The following TRAF3IP2 variants were observed in gnomAD, a reference collection of about 807,000 sequenced individuals.
TRAF3IP2 encodes E3 ubiquitin ligase TRAF3IP2.
In TRAF3IP2, 35 loss-of-function variants were observed where a neutral mutation model predicts 57.9. The observed-to-expected ratio is 0.60, with a 90% CI of 0.46 to 0.80. The LOEUF is 0.80. TRAF3IP2 is among the 30% of genes least tolerant of loss of function. The pLI, the probability that TRAF3IP2 is intolerant of heterozygous loss-of-function variation, is 0.00. For missense variants in TRAF3IP2, 556 were observed against 706.4 expected (o/e 0.79, Z 2.41); for synonymous variants, 251 against 268.9 (o/e 0.93, Z 0.65).
chr6:111,597,834 C>T (rs1306523310), intron 1 of TRAF3IP2: 2 of 453,808 alleles, frequency 4.4e-6, no homozygotes, highest in African/African-American at 4.0e-5. Flanking sequence ...CTTTTTTTTT[C>T]CAGGCTTTCT....
In TRAF3IP2 at chr6:111,567,132, C is replaced by T. The variant is rs910323139; in HGVS notation, c.1359+492G>A. 1.2e-4 allele frequency: 120 copies of T among 984,798 alleles called. No individual in the cohort carries two copies. In the African/African-American group the frequency reaches 1.6e-3, roughly 14 times the overall value. The allele number at this position is 984,798 out of a possible 1,614,324, so 61.0% of individuals were successfully genotyped here. On this transcript the variant is annotated intron_variant, in intron 6 of 8. Coordinates refer to ENST00000368761, the MANE Select transcript of TRAF3IP2 (RefSeq NM_147686.4). ...CGGACACGCTGGCAGCAATCAATTT[C>T]GATCTTGTTAAAGCACAACGTGTCC...
At chr6:111,567,456 G>A (rs778377775) in intron 6 of TRAF3IP2, 168 bp downstream of exon 6, 54 of 1,317,942 alleles carry the variant, frequency 4.1e-5, no homozygotes, top group Middle Eastern at 1.9e-4. Flanking sequence ...GGGCGACTCC[G>A]TCCTTCCTTT....
chr6:111,567,518 G>T (rs1026380786), intron 6 of TRAF3IP2, 106 bp downstream of exon 6: 9 of 1,355,152 alleles, frequency 6.6e-6, no homozygotes, highest in Non-Finnish European at 8.8e-6. Context: ...GGCTTTCTCA[G>T]CTTCAGACTT....
At chr6:111,581,902 T>G (rs764079739) in intron 2 of TRAF3IP2, among the ~76,000 whole-genome samples, 7 of 152,012 alleles carry the variant, frequency 4.6e-5, no homozygotes, top group Non-Finnish European at 1.0e-4. Context: ...CCCTTGAACT[T>G]GGGAGGCAGA....
intron 2 of TRAF3IP2, among the ~76,000 whole-genome samples, chr6:111,589,563 T>C (rs1314028448): frequency 3.3e-5 from 5 of 152,066 alleles, no homozygotes; most frequent in Non-Finnish European, 1.5e-5. Context: ...AGAGCAGGGG[T>C]GGCATCCATG....
chr6:111,605,309 G>A (rs1796985910), intron 1 of TRAF3IP2, among the ~76,000 whole-genome samples: 1 of 152,224 alleles, frequency 6.6e-6, no homozygotes, highest in Non-Finnish European at 1.5e-5. Flanking sequence ...CCAAAAATGT[G>A]CTGTTGATTT....
chr6:111,567,223 G>A, intron 6 of TRAF3IP2: 1 of 1,007,854 alleles, frequency 9.9e-7, no homozygotes, highest in Non-Finnish European at 1.2e-6. Context: ...CACCTCGGGG[G>A]TGGTGTGCTG....
intron 3 of TRAF3IP2, among the ~76,000 whole-genome samples, chr6:111,579,565 C>T (rs1020558305): frequency 2.0e-5 from 3 of 152,076 alleles, no homozygotes; most frequent in African/African-American, 7.2e-5. Context: ...GATCCCTTCA[C>T]TACAAAATAT....
At chr6:111,565,962 A>G (rs1320456716) in intron 7 of TRAF3IP2, among the ~76,000 whole-genome samples, 1 of 152,200 alleles carries the variant, frequency 6.6e-6, no homozygotes, top group Non-Finnish European at 1.5e-5. Context: ...CAGTGGGGCC[A>G]CGGTCACACA....
chr6:111,559,260 A>G lies in TRAF3IP2; in HGVS notation c.*145T>C. On this transcript the variant is annotated 3_prime_UTR_variant, in exon 9 of 9. Transcript: ENST00000368761. ...AGGTCTCCGGGGAAGAGCTCTGCAC[A>G]ACAGGTTTCCTGGGGGCCAGAGGGC... The G allele has an allele frequency of 8.7e-7, 1 of 1,151,992 alleles. No individual in the cohort carries two copies. Among genetic ancestry groups the G allele is most frequent in the Non-Finnish European group, 1.2e-6 (1 of 817,588 alleles). 71.4% of individuals were successfully genotyped at this position (1,151,992 alleles called of 1,614,324 possible).
At chr6:111,595,987 G>A (rs1032790892) in intron 1 of TRAF3IP2, among the ~76,000 whole-genome samples, 4 of 152,066 alleles carry the variant, frequency 2.6e-5, no homozygotes, top group East Asian at 1.9e-4. Context: ...CAGGGCCTTC[G>A]TGCTTGTCGC....
chr6:111,571,137 G>A (rs765518269), intron 5 of TRAF3IP2, among the ~76,000 whole-genome samples: 37 of 149,418 alleles, frequency 2.5e-4, no homozygotes, highest in Non-Finnish European at 3.0e-4. Flanking sequence ...GTGCAGTGGC[G>A]AGATCTCGGC....
chr6:111,592,231 A>G, intron 1 of TRAF3IP2, 137 bp from the exon 2 acceptor site: 2 of 748,916 alleles, frequency 2.7e-6, no homozygotes, highest in South Asian at 1.8e-5. Context: ...CAAAGCCCTA[A>G]TCACATAAAA....
rs755893837 is a variant in TRAF3IP2 at position 111,580,255 on chromosome 6, C to G, written c.964G>C (p.Asp322His). 6.2e-7 allele frequency: 1 copy of G among 1,613,236 alleles called. No individual in the cohort carries two copies. The highest frequency in any genetic ancestry group is 8.5e-7 in the Non-Finnish European group (1 of 1,179,224). ...CTCTGTGCGGGCCTCTCTTCGTGGT[C>G]CCAGGGGCTGGGATAATTCAGGATA... ...KVILNYPSPW[D>H]HEERPAQRDC... Residue 322 changes from aspartate to histidine, a missense_variant, in exon 3 of 9, where the codon GAC becomes CAC. Around this residue, in one of 2 missense-constraint regions of TRAF3IP2, gnomAD observed 428 missense variants for 498.7 expected, o/e 0.86. Coordinates refer to ENST00000368761, the MANE Select transcript of TRAF3IP2 (RefSeq NM_147686.4).
chr6:111,567,479 A>G (rs1795690169), intron 6 of TRAF3IP2, 145 bp downstream of exon 6: 1 of 1,311,164 alleles, frequency 7.6e-7, no homozygotes, highest in Non-Finnish European at 9.8e-7. Context: ...AAGTCTTTGC[A>G]CGGCTTCCAA....
Position 111,591,188 on chromosome 6 carries a change from C to T in TRAF3IP2, c.829+70G>A, listed in dbSNP as rs965837579. On this transcript the variant is annotated intron_variant, in intron 2 of 8. Coordinates refer to ENST00000368761, the MANE Select transcript of TRAF3IP2 (RefSeq NM_147686.4). The surrounding 1 kb of genome is among the most constrained non-coding windows in gnomAD (Gnocchi z 4.9). ...TTCATGCCAGCCTAGTGACACGAAGCATTGATGTGAGGCCCTTGTTTCTTC... is the reference window on the plus strand; with the variant it reads ...TTCATGCCAGCCTAGTGACACGAAGTATTGATGTGAGGCCCTTGTTTCTTC... 2 of 1,247,536 alleles carry T rather than the reference C, an allele frequency of 1.6e-6. No homozygotes were observed. The highest frequency in any genetic ancestry group is 2.2e-6 in the Non-Finnish European group (2 of 919,134). 77.3% of individuals were successfully genotyped at this position (1,247,536 alleles called of 1,614,324 possible). A position where few individuals can be genotyped will look rare whatever the true frequency, so the allele number is the denominator to read the frequency against.
chr6:111,589,293 A>G (rs1315486185), intron 2 of TRAF3IP2, among the ~76,000 whole-genome samples: 1 of 152,112 alleles, frequency 6.6e-6, no homozygotes. Flanking sequence ...CAAACTTCTG[A>G]TCTCAAGTGA....
At chr6:111,566,635 G>A (rs1381066495) in intron 6 of TRAF3IP2, 75 bp from the exon 7 acceptor site, 3 of 1,271,040 alleles carry the variant, frequency 2.4e-6, no homozygotes, top group African/African-American at 2.9e-5. Flanking sequence ...GACACACGGG[G>A]TGGAGGGCCA....
rs943558140 is a variant in TRAF3IP2 at position 111,567,185 on chromosome 6, G to A, written c.1359+439C>T. 9 of 1,003,468 alleles carry A rather than the reference G, an allele frequency of 9.0e-6. No homozygotes were observed. In the African/African-American group the frequency reaches 1.4e-4, roughly 16 times the overall value. 62.2% of individuals were successfully genotyped at this position (1,003,468 alleles called of 1,614,324 possible). On this transcript the variant is annotated intron_variant, in intron 6 of 8. Coordinates refer to ENST00000368761, the MANE Select transcript of TRAF3IP2 (RefSeq NM_147686.4). The stretch of plus-strand genomic sequence containing the variant: ...GTGGCCGGTATAGATTCTGTCAGTG[G>A]AGAACAAATCACGGGGCTGCACGTG...
Sources: allele counts gnomAD v4.1 joint callset (sites outside exome capture counted in the v4.1 genomes callset), GRCh38; gene constraint gnomAD v4.1.1; regional missense constraint gnomAD v4.1.1; non-coding constraint Gnocchi (gnomAD v3.1); transcripts MANE v1.5; gene names NCBI Gene and HGNC (gene_info 2026-07-23, HGNC 2026-07-21).